Variants in HOXC4 observed in about 807,000 individuals in gnomAD.
HOXC4 encodes the protein homeobox C4, also known as homeobox protein Hox-C4.
HOXC4 carries 15 observed loss-of-function variants against 25.5 expected under a neutral mutation model. That is an observed-to-expected ratio of 0.59 (90% CI 0.39 to 0.91). HOXC4 has a LOEUF of 0.91. HOXC4 is among the 40% of genes least tolerant of loss of function. The pLI is 0.00. For missense variants in HOXC4, 342 were observed against 352.4 expected (o/e 0.97, Z 0.24); for synonymous variants, 165 against 148.0 (o/e 1.11, Z -0.83).
intron 1 of HOXC4, among the ~76,000 whole-genome samples, chr12:54,047,115 C>T (rs1937730435): frequency 6.6e-6 from 1 of 152,204 alleles, no homozygotes; most frequent in Non-Finnish European, 1.5e-5. Flanking sequence ...GGCGAAGGGG[C>T]TCTAGCTCCC....
chr12:54,045,366 A>G (rs749623705), intron 1 of HOXC4, among the ~76,000 whole-genome samples: 18 of 152,216 alleles, frequency 1.2e-4, no homozygotes, highest in Non-Finnish European at 2.5e-4. Flanking sequence ...ATCTTTCTAT[A>G]GTGGTTGGAT....
chr12:54,048,700 C>T (rs186935321), intron 1 of HOXC4, among the ~76,000 whole-genome samples: 2 of 152,136 alleles, frequency 1.3e-5, no homozygotes, highest in African/African-American at 2.4e-5. Context: ...TCTCATGGGT[C>T]TCTGGCAGTT....
chr12:54,049,957 AAAC>A (rs79010335), upstream of HOXC4, among the ~76,000 whole-genome samples: 43,921 of 151,762 alleles, frequency 0.29, 6,449 homozygotes, highest in East Asian at 0.41. Flanking sequence ...TTAATCCCTA[AAAC>A]AACAACAACA....
intron 1 of HOXC4, among the ~76,000 whole-genome samples, chr12:54,035,656 G>T (rs1407862443): frequency 6.6e-6 from 1 of 152,204 alleles, no homozygotes; most frequent in African/African-American, 2.4e-5. Context: ...ACTGGCAGCA[G>T]CCCCCACTGT....
upstream of HOXC4, among the ~76,000 whole-genome samples, chr12:54,050,482 G>A (rs1019910455): frequency 2.0e-5 from 3 of 152,182 alleles, no homozygotes; most frequent in Admixed American, 1.3e-4. Flanking sequence ...GAGGCAGGAG[G>A]GTGAAACACA....
At position 54,034,225 on chromosome 12, in the gene HOXC4, A is replaced by G. The variant is rs187084530; in HGVS notation, c.-124+16811A>G. On this transcript the variant is annotated intron_variant, in intron 1 of 3. Coordinates refer to the HOXC4 transcript ENST00000303406. ...GCCTGGGCTGGGGTGGGGACGGGGG[A>G]ACGCTGCAAGCTATTCACCCCTTCC... 1,207 of 1,508,394 alleles carry G rather than the reference A, an allele frequency of 8.0e-4. 11 individuals are homozygous for G. In the African/African-American group the frequency reaches 0.013, roughly 16 times the overall value. 93.4% of individuals were successfully genotyped at this position (1,508,394 alleles called of 1,614,324 possible).
At chr12:54,054,489 G>T in intron 1 of HOXC4, 128 bp downstream of exon 1, 1 of 659,374 alleles carries the variant, frequency 1.5e-6, no homozygotes, top group Non-Finnish European at 2.6e-6. Flanking sequence ...AGCGACTCTG[G>T]GTTAGCACAA....
intron 1 of HOXC4, among the ~76,000 whole-genome samples, chr12:54,045,106 C>A (rs1436942357): frequency 6.6e-6 from 1 of 152,188 alleles, no homozygotes; most frequent in East Asian, 1.9e-4. Flanking sequence ...CTCAGAGAAG[C>A]CTGGGCTGGG....
intron 1 of HOXC4, among the ~76,000 whole-genome samples, chr12:54,023,024 G>A (rs151312031): frequency 2.0e-5 from 3 of 152,202 alleles, no homozygotes; most frequent in Admixed American, 1.3e-4. Flanking sequence ...TTTTTCTCCT[G>A]GGCCAAGCAG....
intron 1 of HOXC4, among the ~76,000 whole-genome samples, chr12:54,031,989 T>C (rs1941004518): frequency 6.6e-6 from 1 of 152,238 alleles, no homozygotes; most frequent in South Asian, 2.1e-4. Context: ...AACGGGCCTT[T>C]TCCTCTGCCA....
At chr12:54,052,581 G>GC (rs942785354), upstream of HOXC4, among the ~76,000 whole-genome samples, 9 of 137,520 alleles carry the variant, frequency 6.5e-5, no homozygotes. Flanking sequence ...GGGGGGGGGG[G>GC]TGGTGGTTAG....
At chr12:54,019,409 A>C (rs1280032941) in intron 1 of HOXC4, among the ~76,000 whole-genome samples, 1 of 152,150 alleles carries the variant, frequency 6.6e-6, no homozygotes, top group Non-Finnish European at 1.5e-5. Flanking sequence ...GGACCTGAAA[A>C]GGGCAAAGGG....
At chr12:54,043,797 C>T (rs1941313724) in intron 1 of HOXC4, among the ~76,000 whole-genome samples, 1 of 152,178 alleles carries the variant, frequency 6.6e-6, no homozygotes, top group African/African-American at 2.4e-5. Flanking sequence ...TAATCCCCCT[C>T]TCCTTCTGTT....
intron 1 of HOXC4, chr12:54,021,987 A>T (rs1940469867): frequency 6.6e-6 from 1 of 152,254 alleles, no homozygotes; most frequent in South Asian, 2.1e-4. Flanking sequence ...ATAGTCTTAA[A>T]ACAGGGCAGC....
intron 1 of HOXC4, among the ~76,000 whole-genome samples, chr12:54,039,017 C>T (rs943093302): frequency 2.6e-5 from 4 of 152,142 alleles, no homozygotes; most frequent in Non-Finnish European, 5.9e-5. Context: ...TGCTATCCCT[C>T]CCTGTGCGTC....
At chr12:54,026,995 C>T (rs917177420) in intron 1 of HOXC4, among the ~76,000 whole-genome samples, 1 of 151,496 alleles carries the variant, frequency 6.6e-6, no homozygotes, top group African/African-American at 2.4e-5. Context: ...TTTCTCTGCT[C>T]CCCGCACACT....
At chr12:54,019,177 A>AC (rs1162753397) in intron 1 of HOXC4, among the ~76,000 whole-genome samples, 23 of 55,096 alleles carry the variant, frequency 4.2e-4, no homozygotes, top group Admixed American at 3.6e-3. Flanking sequence ...CCCCTCCCCC[A>AC]CCCCCCCACC....
intron 1 of HOXC4, among the ~76,000 whole-genome samples, chr12:54,047,495 C>T (rs887903546): frequency 2.6e-5 from 4 of 152,190 alleles, no homozygotes; most frequent in African/African-American, 7.2e-5. Context: ...TACAGCCCGC[C>T]GGGAGGACTC....
intron 1 of HOXC4, among the ~76,000 whole-genome samples, 187 bp from the exon 2 acceptor site, chr12:54,054,663 G>A (rs2136469040): frequency 6.6e-6 from 1 of 152,144 alleles, no homozygotes; most frequent in East Asian, 1.9e-4. Flanking sequence ...GTTACAATGA[G>A]GATTCCCCTC....
Sources: allele counts gnomAD v4.1 joint callset (sites outside exome capture counted in the v4.1 genomes callset), GRCh38; gene constraint gnomAD v4.1.1; transcripts MANE v1.5; gene names NCBI Gene and HGNC (gene_info 2026-07-23, HGNC 2026-07-21).